Variants in CTNND2 observed in about 807,000 individuals in gnomAD.
The protein encoded by CTNND2 is catenin delta 2, also known as catenin delta-2.
In CTNND2, 22 loss-of-function variants were observed where a neutral mutation model predicts 144.4. The ratio of observed to expected loss-of-function variants is 0.15; its 90% confidence interval spans 0.11 to 0.22. The LOEUF (loss-of-function observed/expected upper bound fraction) is 0.22. Ranked by LOEUF, CTNND2 falls within the 10% of genes least tolerant of loss-of-function variation. The pLI is 1.00. For missense variants in CTNND2, 1,353 were observed against 1,618.8 expected, an observed-to-expected ratio of 0.84 and a Z score of 2.82; for synonymous variants, 751 against 695.6, an observed-to-expected ratio of 1.08 and a Z score of -1.25.
intron 18 of CTNND2, among the ~76,000 whole-genome samples, chr5:11,012,954 G>T (rs1741241535): frequency 6.6e-6 from 1 of 152,184 alleles, no homozygotes; most frequent in Non-Finnish European, 1.5e-5. Context: ...TGGAAAGGCT[G>T]ACATATTAGA....
chr5:11,069,086 A>T (rs1239760314), intron 16 of CTNND2, among the ~76,000 whole-genome samples: 3 of 152,220 alleles, frequency 2.0e-5, no homozygotes, highest in African/African-American at 7.2e-5. Context: ...CACAACATTA[A>T]TACAATGCTA....
chr5:11,117,366 G>T, intron 13 of CTNND2, 84 bp downstream of exon 13: 1 of 1,002,696 alleles, frequency 1.0e-6, no homozygotes, highest in Non-Finnish European at 1.6e-6. Flanking sequence ...ATACTGCATT[G>T]GCTCTCCAGG....
chr5:11,372,060 C>T (rs189677528), intron 7 of CTNND2, among the ~76,000 whole-genome samples: 4 of 152,268 alleles, frequency 2.6e-5, no homozygotes, highest in Admixed American at 2.0e-4. Context: ...TCTCTGGCAG[C>T]GTACAAAACA....
At position 11,364,725 on chromosome 5, in the gene CTNND2, G is replaced by C; in HGVS notation, c.1343C>G (p.Ala448Gly). 1 of 1,613,610 alleles carries C rather than the reference G, an allele frequency of 6.2e-7. No homozygotes were observed. Among genetic ancestry groups the C allele is most frequent in the Non-Finnish European group, 8.5e-7 (1 of 1,179,876 alleles). ...GCTCGTGCGGTAGGTGCCGGTGTGT[G>C]CTGGCGGCAGAGGGTCCCCCTGGCT... is the stretch of plus-strand genomic sequence containing the variant. The part of the protein sequence containing the change: ...SQSQGDPLPP[A>G]HTGTYRTSTA... Residue 448 changes from alanine to glycine, a missense_variant, in exon 8 of 22, where the codon GCA becomes GGA. Coordinates refer to ENST00000304623, the MANE Select transcript of CTNND2 (RefSeq NM_001332.4).
rs190331171 is a variant in CTNND2, at chr5:11,063,415, C to T, written c.2788+19281G>A. On this transcript the variant is annotated intron_variant, in intron 16 of 21. Transcript: ENST00000304623. ...ATCAATTTTATTCTGCTAATAACTA[C>T]AGTAATAATCTGTAAGAAAGTTTTA... is the stretch of plus-strand genomic sequence containing the variant. Among the ~76,000 whole-genome samples, 803 of 152,092 alleles carry T rather than the reference C, an allele frequency of 5.3e-3. 7 individuals carry two copies. The highest frequency in any genetic ancestry group is 0.018 in the African/African-American group (763 of 41,486).
chr5:11,525,991 G>A (rs13358289), intron 3 of CTNND2, among the ~76,000 whole-genome samples: 13,468 of 152,162 alleles, frequency 0.089, 716 homozygotes, highest in African/African-American at 0.14. Flanking sequence ...TACAACCTCC[G>A]TCTCCCAGGT....
At chr5:11,594,155 C>T (rs1382625708) in intron 2 of CTNND2, among the ~76,000 whole-genome samples, 1 of 152,180 alleles carries the variant, frequency 6.6e-6, no homozygotes, top group Admixed American at 6.5e-5. Flanking sequence ...CAGAAATGCT[C>T]AGTCACTAGA....
At chr5:11,101,579 T>G (rs950839111) in intron 14 of CTNND2, among the ~76,000 whole-genome samples, 1 of 152,242 alleles carries the variant, frequency 6.6e-6, no homozygotes, top group African/African-American at 2.4e-5. Flanking sequence ...GGCAAGCAAG[T>G]GGCTTAATCT....
chr5:11,365,988 G>A (rs1023486532), intron 7 of CTNND2, among the ~76,000 whole-genome samples: 16 of 152,178 alleles, frequency 1.1e-4, no homozygotes, highest in African/African-American at 3.1e-4. Flanking sequence ...CCCACATGGC[G>A]TAATGGGATT....
intron 12 of CTNND2, among the ~76,000 whole-genome samples, chr5:11,155,836 A>C (rs1173190389): frequency 6.6e-6 from 1 of 152,244 alleles, no homozygotes; most frequent in African/African-American, 2.4e-5. Context: ...CAAACGAAAA[A>C]GGACTAAGGG....
At chr5:11,186,269 G>T (rs1318333638) in intron 11 of CTNND2, among the ~76,000 whole-genome samples, 1 of 152,222 alleles carries the variant, frequency 6.6e-6, no homozygotes, top group African/African-American at 2.4e-5. Flanking sequence ...TCGGTGTACA[G>T]AAGGTTCTGA....
At chr5:11,125,134 G>A (rs1364269793) in intron 12 of CTNND2, among the ~76,000 whole-genome samples, 1 of 152,198 alleles carries the variant, frequency 6.6e-6, no homozygotes, top group Non-Finnish European at 1.5e-5. Context: ...GAGTGCCCAG[G>A]GGTGGGGAAG....
At chr5:11,281,371 G>T (rs144450006) in intron 9 of CTNND2, among the ~76,000 whole-genome samples, 1 of 152,158 alleles carries the variant, frequency 6.6e-6, no homozygotes, top group Non-Finnish European at 1.5e-5. Flanking sequence ...GTTACCTCAC[G>T]AGAGGTGTTA....
At chr5:11,796,153 G>A (rs1300251687) in intron 1 of CTNND2, among the ~76,000 whole-genome samples, 2 of 152,210 alleles carry the variant, frequency 1.3e-5, no homozygotes, top group African/African-American at 4.8e-5. Flanking sequence ...TGTGGCCCGA[G>A]AGGATGAACT....
At chr5:11,407,592 G>A (rs1007941887) in intron 5 of CTNND2, among the ~76,000 whole-genome samples, 3 of 152,192 alleles carry the variant, frequency 2.0e-5, no homozygotes, top group Non-Finnish European at 4.4e-5. Flanking sequence ...CGATCATGGG[G>A]TGAGACTGCT....
chr5:11,304,318 C>CCACA (rs111918321), intron 9 of CTNND2, among the ~76,000 whole-genome samples: 8,224 of 148,336 alleles, frequency 0.055, 746 homozygotes, highest in African/African-American at 0.19. Context: ...CACGGACACA[C>CCACA]CACACACACA....
At chr5:11,801,588 C>T (rs939930097) in intron 1 of CTNND2, among the ~76,000 whole-genome samples, 3 of 152,140 alleles carry the variant, frequency 2.0e-5, no homozygotes, top group Admixed American at 6.5e-5. Context: ...AGCTGGCACC[C>T]TCCAGGTATG....
At chr5:11,660,164 A>G (rs921837816) in intron 2 of CTNND2, among the ~76,000 whole-genome samples, 1 of 152,112 alleles carries the variant, frequency 6.6e-6, no homozygotes, top group African/African-American at 2.4e-5. Flanking sequence ...ATAGTAATAG[A>G]ATGAGATGTC....
At chr5:11,858,815 G>C (rs1407818897) in intron 1 of CTNND2, among the ~76,000 whole-genome samples, 1 of 152,160 alleles carries the variant, frequency 6.6e-6, no homozygotes, top group Non-Finnish European at 1.5e-5. Flanking sequence ...TGTAGCCCCA[G>C]CTATTCGGGA....
Sources: gnomAD v4.1 joint callset for allele counts (sites outside exome capture counted in the v4.1 genomes callset) on GRCh38, gnomAD v4.1.1 for gene constraint, MANE v1.5 for transcripts, NCBI Gene and HGNC (gene_info 2026-07-23, HGNC 2026-07-21) for gene names.